SLC25A12: variants seen among roughly 807,000 people sequenced by gnomAD.
SLC25A12 encodes the protein solute carrier family 25 member 12.
Under a neutral mutation model 83.3 loss-of-function variants are expected in SLC25A12, and 32 were observed. The ratio of observed to expected loss-of-function variants is 0.38; its 90% CI spans 0.29 to 0.52. SLC25A12 has a LOEUF of 0.52. SLC25A12 is among the 20% of genes least tolerant of loss of function. The probability of loss-of-function intolerance (pLI) is 0.84; values close to 1 mark genes in which losing one functional copy is unlikely to be tolerated. For synonymous variants in SLC25A12, 267 were observed against 291.1 expected, an observed-to-expected ratio of 0.92 and a Z score of 0.84; for missense variants, 611 against 835.6, an observed-to-expected ratio of 0.73 and a Z score of 3.31.
chr2:171,848,066 C>A, intron 4 of SLC25A12: 1 of 397,400 alleles, frequency 2.5e-6, no homozygotes, highest in Admixed American at 3.2e-5. Flanking sequence ...TTTAATTTCC[C>A]CAGAAACCCA....
chr2:171,826,992 A>C, intron 8 of SLC25A12, 110 bp from the exon 9 acceptor site: 4 of 710,630 alleles, frequency 5.6e-6, no homozygotes, highest in Non-Finnish European at 1.0e-5. Flanking sequence ...GTTTAAAATC[A>C]TTACTTCCCT....
intron 2 of SLC25A12, among the ~76,000 whole-genome samples, chr2:171,875,039 T>C (rs1685535123): frequency 6.6e-6 from 1 of 152,168 alleles, no homozygotes; most frequent in East Asian, 1.9e-4. Flanking sequence ...TGCATAGAAA[T>C]ACAACGTTGT....
intron 13 of SLC25A12, among the ~76,000 whole-genome samples, chr2:171,799,655 T>G (rs145758091): frequency 5.9e-5 from 9 of 152,334 alleles, no homozygotes; most frequent in Admixed American, 5.9e-4. Context: ...TTTGGAAGAC[T>G]ACTGACCTAG....
chr2:171,863,875 A>C (rs1685223462), intron 3 of SLC25A12, among the ~76,000 whole-genome samples: 1 of 152,228 alleles, frequency 6.6e-6, no homozygotes, highest in African/African-American at 2.4e-5. Context: ...CAGTTGATAT[A>C]TTTTGAGAGA....
chr2:171,832,308 T>C (rs1197052246), intron 8 of SLC25A12, among the ~76,000 whole-genome samples: 1 of 152,204 alleles, frequency 6.6e-6, no homozygotes, highest in Non-Finnish European at 1.5e-5. Flanking sequence ...GGAAAAATGC[T>C]GCTGGGGCAA....
chr2:171,816,114 G>A (rs67204065), intron 9 of SLC25A12, among the ~76,000 whole-genome samples: 40,511 of 141,608 alleles, frequency 0.29, 5,727 homozygotes, highest in Middle Eastern at 0.32. Context: ...TGCCTAGGCT[G>A]GAATGCAGTG....
intron 13 of SLC25A12, among the ~76,000 whole-genome samples, chr2:171,798,575 A>G (rs1683646691): frequency 6.6e-6 from 1 of 152,242 alleles, no homozygotes. Flanking sequence ...ATGTGCGTAT[A>G]AAATAACCAG....
Position 171,812,593 on chromosome 2 carries a change from A to G in SLC25A12, c.1171+746T>C, listed in dbSNP as rs149830944. The stretch of plus-strand genomic sequence containing the variant: ...CATACATGAAAGTCATTCTCTCTCC[A>G]AAGAGACAAGTTCCTACAAAGACAA... On this transcript the variant is annotated intron_variant, in intron 11 of 17. Transcript: ENST00000422440. 5.9e-3 allele frequency among the ~76,000 whole-genome samples: 870 copies of G among 147,986 alleles called. 7 individuals carry two copies. Among genetic ancestry groups the G allele is most frequent in the Non-Finnish European group, 7.7e-3 (516 of 66,590 alleles).
At chr2:171,793,191 C>T (rs1683520954) in intron 14 of SLC25A12, among the ~76,000 whole-genome samples, 1 of 151,500 alleles carries the variant, frequency 6.6e-6, no homozygotes, top group Non-Finnish European at 1.5e-5. Context: ...AGACCTGAAT[C>T]CTACCAAACT....
At chr2:171,863,315 G>A (rs1164630563) in intron 3 of SLC25A12, among the ~76,000 whole-genome samples, 1 of 152,146 alleles carries the variant, frequency 6.6e-6, no homozygotes, top group Non-Finnish European at 1.5e-5. Context: ...CACAAGGTCA[G>A]GAGTTCGAGA....
intron 13 of SLC25A12, among the ~76,000 whole-genome samples, chr2:171,797,565 C>T (rs901472322): frequency 1.3e-5 from 2 of 152,152 alleles, no homozygotes; most frequent in African/African-American, 4.8e-5. Context: ...CAACAAGAAA[C>T]AGACCTGGTC....
intron 2 of SLC25A12, among the ~76,000 whole-genome samples, chr2:171,875,350 C>T (rs1385015354): frequency 6.6e-6 from 1 of 152,188 alleles, no homozygotes; most frequent in Admixed American, 6.5e-5. Context: ...TCTTTCATTG[C>T]TTCATTCTTT....
intron 13 of SLC25A12, among the ~76,000 whole-genome samples, chr2:171,793,998 C>G (rs138983196): frequency 6.6e-6 from 1 of 152,254 alleles, no homozygotes; most frequent in Non-Finnish European, 1.5e-5. Context: ...TTGTTTCTAG[C>G]TGAAATGTCA....
chr2:171,790,513 T>A (rs1208077536), intron 15 of SLC25A12, among the ~76,000 whole-genome samples: 1 of 152,126 alleles, frequency 6.6e-6, no homozygotes, highest in Non-Finnish European at 1.5e-5. Context: ...TCAAATGAAA[T>A]CTCTTCTGTG....
Position 171,844,497 on chromosome 2 carries a change from C to A in SLC25A12, c.337G>T (p.Glu113Ter), listed in dbSNP as rs1684750035. 6.3e-7 allele frequency: 1 copy of A among 1,592,986 alleles called. No homozygotes were observed. Among genetic ancestry groups the A allele is most frequent in the African/African-American group, 1.3e-5 (1 of 74,460 alleles). The change falls in exon 5 of 18, where the codon GAA (glutamate) becomes TAA (stop). Residue 113 changes from glutamate to a stop codon, truncating the protein, a stop_gained. Coordinates refer to ENST00000422440, the MANE Select transcript of SLC25A12 (RefSeq NM_003705.5). LOFTEE classifies it high-confidence loss of function. Reference protein sequence around the residue: ...NGEVTFENVKEIFGQTIIHHH... With the variant: ...NGEVTFENVK ...TGAATAATAGTCTGTCCAAAAATTTCTTTGACATTTTCTTAAAAGGGAAAA... is the reference window on the plus strand; with the variant it reads ...TGAATAATAGTCTGTCCAAAAATTTATTTGACATTTTCTTAAAAGGGAAAA...
chr2:171,866,050 G>A (rs1417944890), intron 3 of SLC25A12, among the ~76,000 whole-genome samples: 7 of 135,004 alleles, frequency 5.2e-5, no homozygotes, highest in South Asian at 5.3e-4. Context: ...GACTCTTAAC[G>A]AGCATGCTGC....
intron 9 of SLC25A12, among the ~76,000 whole-genome samples, chr2:171,815,574 T>G (rs1684035492): frequency 6.6e-6 from 1 of 152,234 alleles, no homozygotes; most frequent in Non-Finnish European, 1.5e-5. Context: ...ATAAAATTTT[T>G]TTCCTTCTTT....
At chr2:171,837,373 A>G in intron 5 of SLC25A12, 106 bp from the exon 6 acceptor site, 1 of 1,142,568 alleles carries the variant, frequency 8.8e-7, no homozygotes, top group Non-Finnish European at 1.3e-6. Flanking sequence ...TGTACTTACT[A>G]CAAAACAAAC....
chr2:171,787,217 C>T (rs532507621), intron 17 of SLC25A12, among the ~76,000 whole-genome samples: 108 of 152,190 alleles, frequency 7.1e-4, no homozygotes, highest in African/African-American at 2.6e-3. Context: ...CCCAGCTACT[C>T]AGGAGGCTGA....
Sources: gnomAD v4.1 joint callset for allele counts (sites outside exome capture counted in the v4.1 genomes callset) on GRCh38, gnomAD v4.1.1 for gene constraint, MANE v1.5 for transcripts, NCBI Gene and HGNC (gene_info 2026-07-23, HGNC 2026-07-21) for gene names.